COL13A1: variants seen among roughly 807,000 people sequenced by gnomAD.
COL13A1 encodes the protein collagen alpha-1(XIII) chain.
COL13A1 carries 89 observed loss-of-function variants against 130.9 expected under a neutral mutation model. The ratio of observed to expected loss-of-function variants is 0.68; its 90% CI spans 0.57 to 0.81. COL13A1 has a LOEUF of 0.81. COL13A1 is among the 30% of genes least tolerant of loss of function. The pLI, the probability that COL13A1 is intolerant of heterozygous loss-of-function variation, is 0.00. For missense variants in COL13A1, 879 were observed against 934.6 expected (o/e 0.94, Z 0.78); for synonymous variants, 402 against 341.6 (o/e 1.18, Z -1.95).
chr10:69,889,332 G>T, intron 9 of COL13A1, 82 bp from the exon 10 acceptor site: 1 of 1,244,356 alleles, frequency 8.0e-7, no homozygotes, highest in Non-Finnish European at 1.1e-6. Flanking sequence ...AGCACAGGGG[G>T]CAGGGAGGAG....
chr10:69,839,722 C>T (rs1386894029), intron 2 of COL13A1, among the ~76,000 whole-genome samples: 5 of 151,874 alleles, frequency 3.3e-5, no homozygotes, highest in African/African-American at 7.3e-5. Context: ...TCCCTGAGGT[C>T]GGAATGAGCT....
chr10:69,817,237 A>T (rs1453182838), intron 1 of COL13A1, among the ~76,000 whole-genome samples: 1 of 152,012 alleles, frequency 6.6e-6, no homozygotes, highest in Non-Finnish European at 1.5e-5. Flanking sequence ...TGAGGCAGGA[A>T]GGCAGGGGAC....
At chr10:69,873,946 C>T (rs1225363003) in intron 4 of COL13A1, among the ~76,000 whole-genome samples, 1 of 152,182 alleles carries the variant, frequency 6.6e-6, no homozygotes, top group Non-Finnish European at 1.5e-5. Context: ...AGGCACTGGC[C>T]ACATGCTTCT....
chr10:69,849,116 A>T (rs181960864), intron 2 of COL13A1, among the ~76,000 whole-genome samples: 11 of 152,326 alleles, frequency 7.2e-5, no homozygotes, highest in Admixed American at 7.2e-4. Context: ...CCATTTTTTT[A>T]AATGTCTTAG....
intron 10 of COL13A1, among the ~76,000 whole-genome samples, chr10:69,890,460 G>A (rs2061061686): frequency 6.6e-6 from 1 of 152,394 alleles, no homozygotes; most frequent in South Asian, 2.1e-4. Context: ...TCCACAGGTT[G>A]GTGGGCCAGG....
chr10:69,905,962 C>A, intron 17 of COL13A1, 140 bp downstream of exon 17: 1 of 885,486 alleles, frequency 1.1e-6, no homozygotes, highest in South Asian at 1.8e-5. Flanking sequence ...TCTCACTGGC[C>A]CCCCGAGGGC....
At chr10:69,907,959 C>T (rs2062963297) in intron 17 of COL13A1, among the ~76,000 whole-genome samples, 2 of 152,234 alleles carry the variant, frequency 1.3e-5, no homozygotes, top group Admixed American at 6.5e-5. Flanking sequence ...AACACAAGAG[C>T]TATGGGGGAC....
chr10:69,834,571 T>G (rs112196401), intron 2 of COL13A1, among the ~76,000 whole-genome samples: 1 of 152,212 alleles, frequency 6.6e-6, no homozygotes, highest in African/African-American at 2.4e-5. Flanking sequence ...AAGCACCCTA[T>G]GATGTAAGGC....
chr10:69,908,365 C>T (rs535040179), intron 17 of COL13A1, among the ~76,000 whole-genome samples: 3 of 152,274 alleles, frequency 2.0e-5, no homozygotes, highest in South Asian at 2.1e-4. Context: ...AATCAGCCCC[C>T]GCAGTTGCCT....
intron 2 of COL13A1, among the ~76,000 whole-genome samples, chr10:69,861,612 T>A (rs1858107160): frequency 6.6e-6 from 1 of 152,104 alleles, no homozygotes; most frequent in Admixed American, 6.5e-5. Flanking sequence ...TAGAAAAGGG[T>A]CCTCCTGCTT....
At chr10:69,866,301 A>C (rs2683574) in intron 2 of COL13A1, among the ~76,000 whole-genome samples, 144,993 of 152,252 alleles carry the variant, frequency 0.95, 69,439 homozygotes, top group East Asian at 1. Flanking sequence ...CACTGGGGGC[A>C]TCACCAGAGC....
Position 69,894,567 on chromosome 10 carries a change from C to G in COL13A1, c.619C>G (p.Pro207Ala). ...CTTCCCACAGGGTCTGACGGGTCCC[C>G]CAGGACAGCCGGTTGGTACCTCATC... ...PKGDMGLTGP[P>A]GQPGPQGQKG... Residue 207 changes from proline to alanine, a missense_variant, in exon 11 of 41, where the codon CCA becomes GCA. Coordinates refer to ENST00000645393, the MANE Select transcript of COL13A1 (RefSeq NM_001368882.1). 2 of 1,613,988 alleles carry G rather than the reference C, an allele frequency of 1.2e-6. No homozygotes were observed. The highest frequency in any genetic ancestry group is 1.7e-6 in the Non-Finnish European group (2 of 1,179,894).
chr10:69,895,725 G>A (rs1338772064), intron 13 of COL13A1, 149 bp downstream of exon 13: 1 of 866,352 alleles, frequency 1.2e-6, no homozygotes, highest in South Asian at 1.6e-5. Flanking sequence ...AGCAGTCAGA[G>A]AGGGGAGCTT....
At chr10:69,945,269 C>A (rs1184776747) in intron 36 of COL13A1, among the ~76,000 whole-genome samples, 1 of 152,240 alleles carries the variant, frequency 6.6e-6, no homozygotes, top group Non-Finnish European at 1.5e-5. Context: ...CCGTGACCAC[C>A]AGCTTGGGGA....
chr10:69,901,544 G>T (rs2062182422), intron 14 of COL13A1, among the ~76,000 whole-genome samples: 1 of 152,154 alleles, frequency 6.6e-6, no homozygotes, highest in African/African-American at 2.4e-5. Flanking sequence ...AGGTGGGCCG[G>T]CCTGGAACTC....
intron 39 of COL13A1, chr10:69,955,540 C>G (rs1473790486): frequency 6.7e-6 from 1 of 150,144 alleles, no homozygotes; most frequent in African/African-American, 2.5e-5. Context: ...TCCATATCCC[C>G]CTGCCACCAT....
intron 5 of COL13A1, 70 bp from the exon 6 acceptor site, chr10:69,877,969 T>C (rs2059767742): frequency 4.3e-6 from 3 of 692,642 alleles, no homozygotes; most frequent in African/African-American, 3.5e-5. Flanking sequence ...GGGTGCCTCT[T>C]TCTCATCCCC....
intron 9 of COL13A1, among the ~76,000 whole-genome samples, chr10:69,889,061 A>T (rs1564958492): frequency 6.6e-6 from 1 of 152,208 alleles, no homozygotes; most frequent in African/African-American, 2.4e-5. Flanking sequence ...AGTGCAGCCC[A>T]GGGGTGCCAG....
At chr10:69,947,968 C>A (rs1311354874) in intron 38 of COL13A1, among the ~76,000 whole-genome samples, 1 of 152,220 alleles carries the variant, frequency 6.6e-6, no homozygotes, top group Non-Finnish European at 1.5e-5. Context: ...TGGCACCGAC[C>A]ACAGCCTTCA....
Sources: gnomAD v4.1 joint callset for allele counts (sites outside exome capture counted in the v4.1 genomes callset) on GRCh38, gnomAD v4.1.1 for gene constraint, MANE v1.5 for transcripts, NCBI Gene and HGNC (gene_info 2026-07-23, HGNC 2026-07-21) for gene names.